RAB30: variants seen among roughly 807,000 people sequenced by gnomAD.
RAB30 encodes ras-related protein Rab-30.
RAB30 carries 9 observed loss-of-function variants against 25.1 expected under a neutral mutation model. The observed-to-expected ratio is 0.36, with a 90% CI of 0.22 to 0.63. RAB30 has a LOEUF of 0.63. Among genes scored for constraint, RAB30 ranks in the 20% least tolerant of loss-of-function variants. The pLI, the probability that RAB30 is intolerant of heterozygous loss-of-function variation, is 0.69. For missense variants in RAB30, 140 were observed against 243.5 expected, an observed-to-expected ratio of 0.58 and a Z score of 2.83; for synonymous variants, 77 against 86.4, an observed-to-expected ratio of 0.89 and a Z score of 0.60.
intron 1 of RAB30, among the ~76,000 whole-genome samples, chr11:83,002,812 C>T (rs1029258027): frequency 6.6e-6 from 1 of 152,042 alleles, no homozygotes; most frequent in African/African-American, 2.4e-5. Flanking sequence ...GAATAAGTGG[C>T]CTTAAAAAAG....
chr11:83,054,953 C>T (rs957044457), intron 1 of RAB30, among the ~76,000 whole-genome samples: 5 of 152,210 alleles, frequency 3.3e-5, no homozygotes, highest in African/African-American at 4.8e-5. Flanking sequence ...CAAGTGGTGG[C>T]GGCCAGGTGC....
intron 1 of RAB30, among the ~76,000 whole-genome samples, chr11:83,047,508 C>T (rs757182676): frequency 3.3e-5 from 5 of 152,078 alleles, no homozygotes; most frequent in Admixed American, 6.6e-5. Flanking sequence ...TAAAAATACA[C>T]GATACCAAAA....
At chr11:83,071,112 C>T (rs1858832838) in intron 1 of RAB30, among the ~76,000 whole-genome samples, 1 of 152,212 alleles carries the variant, frequency 6.6e-6, no homozygotes, top group East Asian at 1.9e-4. Context: ...GCACGGAGTG[C>T]ACCATTAAAG....
At chr11:83,019,613 A>G (rs763026398) in intron 1 of RAB30, among the ~76,000 whole-genome samples, 1 of 152,076 alleles carries the variant, frequency 6.6e-6, no homozygotes, top group Non-Finnish European at 1.5e-5. Flanking sequence ...TCCCCCACGA[A>G]GTCCTCCCTC....
intron 1 of RAB30, among the ~76,000 whole-genome samples, chr11:83,057,865 C>A (rs1215156050): frequency 6.6e-6 from 1 of 152,078 alleles, no homozygotes; most frequent in African/African-American, 2.4e-5. Flanking sequence ...CACCATATGC[C>A]ACAGGCCAAT....
chr11:83,022,172 G>A (rs1040843175), intron 1 of RAB30, among the ~76,000 whole-genome samples: 1 of 151,952 alleles, frequency 6.6e-6, no homozygotes, highest in Non-Finnish European at 1.5e-5. Flanking sequence ...GGGTGGGAGA[G>A]ATAGGGAACA....
chr11:83,065,499 A>G (rs1858675260), intron 1 of RAB30, among the ~76,000 whole-genome samples: 1 of 152,132 alleles, frequency 6.6e-6, no homozygotes, highest in Non-Finnish European at 1.5e-5. Flanking sequence ...GGGCTCAAGT[A>G]ATCTTCCTGC....
At chr11:83,060,036 C>A (rs1290350330) in intron 1 of RAB30, 1 of 151,990 alleles carries the variant, frequency 6.6e-6, no homozygotes, top group African/African-American at 2.4e-5. Context: ...CATTGTGAAA[C>A]CCCATCTTTA....
chr11:83,044,743 C>T (rs1045244549), intron 1 of RAB30, among the ~76,000 whole-genome samples: 4 of 152,200 alleles, frequency 2.6e-5, no homozygotes, highest in African/African-American at 7.2e-5. Flanking sequence ...CATCATTGGG[C>T]TCAAAGCCAA....
chr11:83,015,707 A>G (rs1017974222), intron 1 of RAB30, among the ~76,000 whole-genome samples: 1 of 152,250 alleles, frequency 6.6e-6, no homozygotes, highest in African/African-American at 2.4e-5. Context: ...GAACCTGGGC[A>G]TATCACCATT....
intron 1 of RAB30, among the ~76,000 whole-genome samples, chr11:83,028,957 G>A (rs1857787819): frequency 6.6e-6 from 1 of 152,108 alleles, no homozygotes; most frequent in Admixed American, 6.5e-5. Flanking sequence ...CCAAGAGTTC[G>A]AGGCTACAAT....
chr11:83,020,636 G>A (rs997020234), intron 1 of RAB30, among the ~76,000 whole-genome samples: 1 of 152,186 alleles, frequency 6.6e-6, no homozygotes, highest in Non-Finnish European at 1.5e-5. Context: ...CACAAACCAG[G>A]GTGGCGATTT....
intron 1 of RAB30, among the ~76,000 whole-genome samples, chr11:83,058,556 A>G (rs994776516): frequency 6.6e-6 from 1 of 152,220 alleles, no homozygotes; most frequent in Non-Finnish European, 1.5e-5. Flanking sequence ...TGATTAGATC[A>G]GGTTCTGTAT....
At chr11:83,014,634 A>AAAGAAAGAAAG in intron 1 of RAB30, among the ~76,000 whole-genome samples, 1 of 112,616 alleles carries the variant, frequency 8.9e-6, no homozygotes, top group South Asian at 3.3e-4. Context: ...AGAAGTAAGA[A>AAAGAAAGAAAG]AAAGAAAGAA....
chr11:83,034,223 G>C (rs2097538173), intron 1 of RAB30: 1 of 152,342 alleles, frequency 6.6e-6, no homozygotes. Context: ...GGTGTGTACA[G>C]CTGAGAGAAC....
intron 1 of RAB30, among the ~76,000 whole-genome samples, chr11:83,025,033 C>A (rs1857676980): frequency 6.6e-6 from 1 of 152,220 alleles, no homozygotes. Flanking sequence ...TTCCCTATTT[C>A]TTTTCCCCTG....
intron 2 of RAB30, among the ~76,000 whole-genome samples, chr11:82,995,502 G>A (rs1448314907): frequency 6.6e-6 from 1 of 152,178 alleles, no homozygotes. Flanking sequence ...CTAAAAAACA[G>A]CTAGATCCAG....
chr11:83,018,297 CAAAAAA>C (rs904843218), intron 1 of RAB30, among the ~76,000 whole-genome samples: 2 of 68,572 alleles, frequency 2.9e-5, no homozygotes, highest in East Asian at 4.7e-4. Flanking sequence ...GACTCCATCT[CAAAAAA>C]AAAAAAAAAA....
intron 1 of RAB30, among the ~76,000 whole-genome samples, chr11:83,062,671 T>A (rs1301388732): frequency 6.6e-6 from 1 of 152,190 alleles, no homozygotes; most frequent in Non-Finnish European, 1.5e-5. Flanking sequence ...AACATCTCCT[T>A]TGAGCCCCAC....
Sources: allele counts gnomAD v4.1 joint callset (sites outside exome capture counted in the v4.1 genomes callset), GRCh38; gene constraint gnomAD v4.1.1; transcripts MANE v1.5; gene names NCBI Gene and HGNC (gene_info 2026-07-23, HGNC 2026-07-21).